SCLT1: variants seen among roughly 807,000 people sequenced by gnomAD.
The protein encoded by SCLT1 is sodium channel-associated protein 1.
Under a neutral mutation model 112.8 loss-of-function variants are expected in SCLT1, and 78 were observed. The ratio of observed to expected loss-of-function variants is 0.69; its 90% CI spans 0.58 to 0.83. The LOEUF is 0.83. SCLT1 is among the 40% of genes least tolerant of loss of function. The pLI, the probability that SCLT1 is intolerant of heterozygous loss-of-function variation, is 0.00. For synonymous variants in SCLT1, 257 were observed against 254.7 expected, an observed-to-expected ratio of 1.01 and a Z score of -0.09; for missense variants, 747 against 770.4, an observed-to-expected ratio of 0.97 and a Z score of 0.36.
chr4:128,895,048 T>G (rs911728393), intron 18 of SCLT1, among the ~76,000 whole-genome samples: 3 of 152,218 alleles, frequency 2.0e-5, no homozygotes, highest in African/African-American at 7.2e-5. Context: ...CTCTTGCATC[T>G]ATTTTTCATT....
chr4:128,979,251 C>T (rs986276317), intron 9 of SCLT1, among the ~76,000 whole-genome samples: 1 of 152,092 alleles, frequency 6.6e-6, no homozygotes, highest in Admixed American at 6.6e-5. Flanking sequence ...TATCTGTGTC[C>T]CTGCAAAATT....
chr4:129,089,197 G>A (rs2125786850), intron 1 of SCLT1, among the ~76,000 whole-genome samples: 1 of 152,152 alleles, frequency 6.6e-6, no homozygotes, highest in East Asian at 1.9e-4. Context: ...GTGGGCAAAG[G>A]ATATAAACAA....
rs770309572 is a variant in SCLT1 at position 128,997,929 on chromosome 4, A to C, written c.560T>G (p.Phe187Cys). The change falls in exon 8 of 21, where the codon TTT becomes TGT. Residue 187 changes from phenylalanine to cysteine, a missense_variant. Around this residue, in one of 2 missense-constraint regions of SCLT1, gnomAD observed 723 missense variants for 721.3 expected, o/e 1.00. Coordinates refer to ENST00000281142, the MANE Select transcript of SCLT1 (RefSeq NM_144643.4). ...FESQKQKDQL[F>C]DFQQLTKQLH... ...TTGTTTGGTCAGTTGTTGAAAATCAAATAGCTGATCCTACAGTGGGAAGGT... is the reference window on the plus strand; with the variant it reads ...TTGTTTGGTCAGTTGTTGAAAATCACATAGCTGATCCTACAGTGGGAAGGT... The C allele has an allele frequency of 6.6e-7, 1 of 1,512,290 alleles. No individual in the cohort carries two copies. Among genetic ancestry groups the C allele is most frequent in the African/African-American group, 1.4e-5 (1 of 71,256 alleles). The allele number at this position is 1,512,290 out of a possible 1,614,324, so 93.7% of individuals were successfully genotyped here.
intron 1 of SCLT1, among the ~76,000 whole-genome samples, chr4:129,089,920 G>A (rs1579985932): frequency 6.6e-6 from 1 of 152,020 alleles, no homozygotes; most frequent in African/African-American, 2.4e-5. Context: ...GCAGGTGACG[G>A]GTTGATGGGT....
At chr4:129,048,404 G>T (rs1748404260) in intron 2 of SCLT1, among the ~76,000 whole-genome samples, 1 of 151,358 alleles carries the variant, frequency 6.6e-6, no homozygotes, top group Non-Finnish European at 1.5e-5. Flanking sequence ...AATAAATGGT[G>T]CTGGGAAAAC....
At chr4:128,948,626 T>G in intron 14 of SCLT1, 56 bp from the exon 15 acceptor site, 7 of 1,249,896 alleles carry the variant, frequency 5.6e-6, no homozygotes, top group Non-Finnish European at 8.0e-6. Context: ...TTAAGAAAAG[T>G]GGGGAAAAAT....
intron 2 of SCLT1, among the ~76,000 whole-genome samples, chr4:129,056,451 G>T (rs553578554): frequency 6.6e-6 from 1 of 152,110 alleles, no homozygotes; most frequent in South Asian, 2.1e-4. Context: ...GATGCCTCCA[G>T]CTTTGTTCTT....
chr4:129,020,517 T>G (rs1181290833), intron 5 of SCLT1, among the ~76,000 whole-genome samples: 1 of 152,228 alleles, frequency 6.6e-6, no homozygotes, highest in Non-Finnish European at 1.5e-5. Flanking sequence ...CCAACAAGAC[T>G]GGATTTCTTC....
intron 18 of SCLT1, among the ~76,000 whole-genome samples, chr4:128,918,529 T>C (rs899717963): frequency 2.6e-4 from 39 of 152,234 alleles, no homozygotes; most frequent in African/African-American, 8.2e-4. Flanking sequence ...CTGAGAAATA[T>C]AGGATTATGT....
chr4:128,971,636 G>A (rs1178848755), intron 9 of SCLT1: 1 of 152,104 alleles, frequency 6.6e-6, no homozygotes, highest in African/African-American at 2.4e-5. Flanking sequence ...AGTCCCCTAT[G>A]ACAGACTGCC....
At chr4:128,902,858 G>A (rs1164518814) in intron 18 of SCLT1, among the ~76,000 whole-genome samples, 2 of 151,940 alleles carry the variant, frequency 1.3e-5, no homozygotes, top group East Asian at 3.9e-4. Context: ...TATTCTTTGA[G>A]TTTTTTGTTA....
chr4:128,932,011 C>T (rs35002630), intron 18 of SCLT1, among the ~76,000 whole-genome samples: 3,754 of 151,452 alleles, frequency 0.025, 73 homozygotes, highest in Middle Eastern at 0.051. Flanking sequence ...TGTCCATCTT[C>T]CTCTAAATTG....
At chr4:129,023,937 T>C (rs1186202907) in intron 5 of SCLT1, among the ~76,000 whole-genome samples, 2 of 152,202 alleles carry the variant, frequency 1.3e-5, no homozygotes, top group Non-Finnish European at 2.9e-5. Flanking sequence ...CGCTGATTGC[T>C]AGCACAGCAG....
chr4:128,953,358 C>G (rs1183960281), intron 13 of SCLT1, among the ~76,000 whole-genome samples: 1 of 152,136 alleles, frequency 6.6e-6, no homozygotes, highest in Non-Finnish European at 1.5e-5. Flanking sequence ...CTGTATCAAC[C>G]TATTGTGTTG....
At chr4:129,044,136 T>A (rs913910091) in intron 2 of SCLT1, 85 bp from the exon 3 acceptor site, 50 of 673,548 alleles carry the variant, frequency 7.4e-5, no homozygotes, top group Non-Finnish European at 1.0e-4. Context: ...TGCAATTAAA[T>A]TTTCATAATC....
chr4:129,085,204 C>A (rs1056738314), intron 1 of SCLT1, among the ~76,000 whole-genome samples: 1 of 152,000 alleles, frequency 6.6e-6, no homozygotes, highest in Non-Finnish European at 1.5e-5. Flanking sequence ...GTGGGCAAAG[C>A]TCATGAACAG....
chr4:128,886,732 T>C (rs977541097), intron 20 of SCLT1, among the ~76,000 whole-genome samples: 1 of 152,184 alleles, frequency 6.6e-6, no homozygotes, highest in African/African-American at 2.4e-5. Context: ...AACGGTGGAA[T>C]CTTTGCCATT....
chr4:128,936,699 C>T lies in SCLT1; in HGVS notation c.1785G>A (p.Thr595=), dbSNP rs749447121. 6.5e-5 allele frequency: 105 copies of T among 1,606,268 alleles called. No homozygotes were observed. The Middle Eastern group carries it at 8.3e-4, about 13-fold the overall frequency. ...TTTCTGCACTTTCAGTAAGTTTCTT[C>T]GTTTCTTCTTTCCACCTATTGGCTG... ...QKAANRWKEE[T]KKLTESAEIR... is the part of the protein sequence containing the mutation. The change falls in exon 18 of 21, where the codon ACG becomes ACA. Residue 595 remains threonine (T), a synonymous_variant. Transcript: ENST00000281142.
At chr4:128,902,202 G>A (rs990093093) in intron 18 of SCLT1, among the ~76,000 whole-genome samples, 3 of 152,140 alleles carry the variant, frequency 2.0e-5, no homozygotes, top group African/African-American at 7.2e-5. Flanking sequence ...ACCGTACCCA[G>A]GAGAAACTTT....
Sources: gnomAD v4.1 joint callset for allele counts (sites outside exome capture counted in the v4.1 genomes callset) on GRCh38, gnomAD v4.1.1 for gene constraint, gnomAD v4.1.1 regional missense constraint, MANE v1.5 for transcripts, NCBI Gene and HGNC (gene_info 2026-07-23, HGNC 2026-07-21) for gene names.